The following SUMF1 variants were observed in gnomAD, a reference collection of about 807,000 sequenced individuals.
SUMF1 encodes the protein formylglycine-generating enzyme.
In SUMF1, 48 loss-of-function variants were observed where a neutral mutation model predicts 47.6. That is an observed-to-expected ratio of 1.01 (90% confidence interval 0.80 to 1.28). SUMF1 has a LOEUF of 1.28. Among genes scored for constraint, SUMF1 ranks in the 50% most tolerant of loss-of-function variants. The pLI is 0.00. For synonymous variants in SUMF1, 230 were observed against 192.1 expected (o/e 1.20, Z -1.63); for missense variants, 571 against 485.4 (o/e 1.18, Z -1.66).
chr3:4,367,158 G>GGGGGTCA (rs968179470), intron 8 of SUMF1, among the ~76,000 whole-genome samples: 1 of 152,096 alleles, frequency 6.6e-6, no homozygotes, highest in Non-Finnish European at 1.5e-5. Flanking sequence ...TAGGCTGCTC[G>GGGGGTCA]GGGGTCAGGG....
intron 4 of SUMF1, among the ~76,000 whole-genome samples, chr3:4,419,680 G>GTT (rs1229246951): frequency 6.6e-6 from 1 of 152,108 alleles, no homozygotes; most frequent in Non-Finnish European, 1.5e-5. Context: ...CAACCTGGGA[G>GTT]GACACAATTA....
chr3:4,138,962 C>T (rs1308581498), intron 8 of SUMF1, among the ~76,000 whole-genome samples: 1 of 152,016 alleles, frequency 6.6e-6, no homozygotes, highest in African/African-American at 2.4e-5. Context: ...TGGTAATGAG[C>T]ATTTCTTCTC....
intron 8 of SUMF1, among the ~76,000 whole-genome samples, chr3:4,099,579 C>A (rs1692984635): frequency 6.6e-6 from 1 of 152,096 alleles, no homozygotes; most frequent in South Asian, 2.1e-4. Flanking sequence ...CTAACTACTT[C>A]TGTTTAACAT....
chr3:4,212,374 G>T (rs1032953553), intron 8 of SUMF1, among the ~76,000 whole-genome samples: 1 of 151,886 alleles, frequency 6.6e-6, no homozygotes, highest in Non-Finnish European at 1.5e-5. Context: ...AAAAAGAAAG[G>T]AATAGCACGT....
intron 8 of SUMF1, among the ~76,000 whole-genome samples, chr3:4,261,467 C>T (rs1697083710): frequency 6.6e-6 from 1 of 152,174 alleles, no homozygotes; most frequent in South Asian, 2.1e-4. Context: ...AATTTGCTGT[C>T]TAGTTTGGAA....
intron 8 of SUMF1, among the ~76,000 whole-genome samples, chr3:4,165,522 G>A (rs1694679458): frequency 6.6e-6 from 1 of 152,062 alleles, no homozygotes; most frequent in Non-Finnish European, 1.5e-5. Context: ...TCCTCCTGTG[G>A]GATGTAGATT....
At chr3:4,072,059 G>A (rs559448401) in intron 8 of SUMF1, among the ~76,000 whole-genome samples, 4 of 152,246 alleles carry the variant, frequency 2.6e-5, no homozygotes, top group African/African-American at 9.6e-5. Flanking sequence ...TTGGCATCTG[G>A]CAGGTGCCCC....
chr3:4,040,374 ATAATT>A (rs1694887575), intron 9 of SUMF1, among the ~76,000 whole-genome samples: 1 of 152,148 alleles, frequency 6.6e-6, no homozygotes, highest in Admixed American at 6.5e-5. Context: ...GTCACTCTTC[ATAATT>A]TATTCTTCCC....
chr3:4,359,171 C>T (rs1335784661), downstream of SUMF1, among the ~76,000 whole-genome samples: 1 of 152,200 alleles, frequency 6.6e-6, no homozygotes, highest in Non-Finnish European at 1.5e-5. Flanking sequence ...ATGTCACTAT[C>T]CAACATTATA....
At chr3:4,457,565 T>C (rs1374568326) in intron 1 of SUMF1, among the ~76,000 whole-genome samples, 1 of 152,088 alleles carries the variant, frequency 6.6e-6, no homozygotes, top group East Asian at 1.9e-4. Context: ...TGGAACAGGA[T>C]AGAGAGTCCA....
At chr3:4,151,558 C>T (rs752582953) in intron 8 of SUMF1, among the ~76,000 whole-genome samples, 38 of 75,264 alleles carry the variant, frequency 5.0e-4, no homozygotes, top group African/African-American at 1.1e-3. Context: ...TGTGTATATA[C>T]ACACACACAC....
intron 8 of SUMF1, among the ~76,000 whole-genome samples, chr3:4,239,556 C>G (rs1181179944): frequency 6.6e-6 from 1 of 152,100 alleles, no homozygotes; most frequent in Admixed American, 6.5e-5. Flanking sequence ...GGAGTTCACT[C>G]ATGATTTGGC....
intron 8 of SUMF1, among the ~76,000 whole-genome samples, chr3:4,138,264 T>G (rs548053773): frequency 6.6e-6 from 1 of 152,162 alleles, no homozygotes; most frequent in South Asian, 2.1e-4. Context: ...GAACTCTGTA[T>G]AGTGAAAAGT....
At chr3:4,135,851 A>C (rs1027729545) in intron 8 of SUMF1, among the ~76,000 whole-genome samples, 5 of 152,178 alleles carry the variant, frequency 3.3e-5, no homozygotes, top group Non-Finnish European at 7.3e-5. Flanking sequence ...AGAGAGCCAA[A>C]TCATCAGTGA....
chr3:4,296,597 A>C (rs1165654965), intron 8 of SUMF1, among the ~76,000 whole-genome samples: 1 of 152,154 alleles, frequency 6.6e-6, no homozygotes, highest in East Asian at 1.9e-4. Context: ...ATCAGATCTC[A>C]TGAGACTTAC....
At chr3:4,066,442 G>T (rs1279290645) in intron 9 of SUMF1, among the ~76,000 whole-genome samples, 1 of 151,968 alleles carries the variant, frequency 6.6e-6, no homozygotes, top group African/African-American at 2.4e-5. Context: ...AATAAACATA[G>T]AAATTGGCCC....
chr3:4,312,770 T>G, intron 8 of SUMF1: 1 of 1,058,744 alleles, frequency 9.4e-7, no homozygotes, highest in East Asian at 2.5e-5. Context: ...TAGTATGCTG[T>G]GTTTTGACAG....
At chr3:4,051,819 T>C (rs1574846254) in intron 9 of SUMF1, among the ~76,000 whole-genome samples, 1 of 152,190 alleles carries the variant, frequency 6.6e-6, no homozygotes, top group Non-Finnish European at 1.5e-5. Flanking sequence ...AAGACCTGGC[T>C]GTCTGATCAG....
At chr3:4,243,146 T>A (rs1344343703) in intron 8 of SUMF1, among the ~76,000 whole-genome samples, 1 of 152,214 alleles carries the variant, frequency 6.6e-6, no homozygotes, top group Non-Finnish European at 1.5e-5. Context: ...ATTTGATTCT[T>A]CCCTCTTTTG....
Sources: gnomAD v4.1 joint callset for allele counts (sites outside exome capture counted in the v4.1 genomes callset) on GRCh38, gnomAD v4.1.1 for gene constraint, MANE v1.5 for transcripts, NCBI Gene and HGNC (gene_info 2026-07-23, HGNC 2026-07-21) for gene names.